Variants in SMAD7 observed in about 807,000 individuals in gnomAD.
The protein encoded by SMAD7 is SMAD family member 7.
A neutral mutation model predicts 38.7 loss-of-function variants in SMAD7; 8 were observed. The ratio of observed to expected loss-of-function variants is 0.21; its 90% CI spans 0.12 to 0.37. The LOEUF (loss-of-function observed/expected upper bound fraction) is 0.37. SMAD7 is among the 10% of genes least tolerant of loss of function. SMAD7 has a pLI of 1.00. For missense variants in SMAD7, 477 were observed against 577.9 expected, an observed-to-expected ratio of 0.83 and a Z score of 1.79; for synonymous variants, 327 against 265.1, an observed-to-expected ratio of 1.23 and a Z score of -2.27.
intron 3 of SMAD7, among the ~76,000 whole-genome samples, chr18:48,930,428 G>C (rs1239833436): frequency 6.6e-6 from 1 of 152,034 alleles, no homozygotes; most frequent in Non-Finnish European, 1.5e-5. Flanking sequence ...GAATGAAAGG[G>C]TCCCCCACCC....
chr18:48,931,393 C>A (rs2069998846), intron 3 of SMAD7, among the ~76,000 whole-genome samples: 1 of 152,202 alleles, frequency 6.6e-6, no homozygotes, highest in South Asian at 2.1e-4. Context: ...AACTAGTCCT[C>A]ATAAGCATAG....
Position 48,921,471 on chromosome 18 carries a change from G to A in SMAD7, c.1182C>T (p.Thr394=), listed in dbSNP as rs141213977. ...AGCCCTTCACAAAGCTGATCTGCAC[G>A]GTAAAGCCCGTCCACGGCTGCTGCA... is the stretch of plus-strand genomic sequence containing the variant. The part of the protein sequence containing the change: ...EFMQQPWTGF[T]VQISFVKGWG... The change falls in exon 4 of 4, where the codon ACC becomes ACT. Residue 394 remains threonine (T), a synonymous_variant. Transcript: ENST00000262158. The surrounding 1 kb of genome is among the most constrained non-coding windows in gnomAD (Gnocchi z 6.4). 112 of 1,614,206 alleles carry A rather than the reference G, an allele frequency of 6.9e-5. No homozygotes were observed. The African/African-American group carries it at 7.1e-4, about 10-fold the overall frequency.
At chr18:48,924,535 T>C (rs1335950169) in intron 3 of SMAD7, among the ~76,000 whole-genome samples, 1 of 152,218 alleles carries the variant, frequency 6.6e-6, no homozygotes, top group Non-Finnish European at 1.5e-5. Context: ...CCGCCAGCAA[T>C]GTGCTGCCAG....
At chr18:48,947,195 A>G (rs2070204549) in intron 2 of SMAD7, among the ~76,000 whole-genome samples, 1 of 152,196 alleles carries the variant, frequency 6.6e-6, no homozygotes, top group Non-Finnish European at 1.5e-5. Flanking sequence ...AAAATATCAC[A>G]TGCTTTGCGG....
intron 2 of SMAD7, among the ~76,000 whole-genome samples, chr18:48,947,234 C>A (rs551170559): frequency 6.6e-6 from 1 of 152,314 alleles, no homozygotes; most frequent in East Asian, 1.9e-4. Context: ...ACCAGGCAAG[C>A]AGGAACGCCT....
At chr18:48,927,237 C>A (rs142928972) in intron 3 of SMAD7, among the ~76,000 whole-genome samples, 155 of 152,318 alleles carry the variant, frequency 1.0e-3, no homozygotes, top group African/African-American at 3.5e-3. Flanking sequence ...CCCATCTCCA[C>A]CACCCCATGC....
chr18:48,942,801 T>C (rs1192862821), intron 2 of SMAD7: 16 of 1,315,296 alleles, frequency 1.2e-5, no homozygotes, highest in Non-Finnish European at 1.5e-5. Flanking sequence ...TCAGGCTCAA[T>C]GAGACTGGCT....
intron 3 of SMAD7, among the ~76,000 whole-genome samples, chr18:48,923,736 C>A (rs1330843213): frequency 6.6e-6 from 1 of 152,152 alleles, no homozygotes; most frequent in African/African-American, 2.4e-5. Context: ...TGGCCGGTCA[C>A]CACCCCCCAT....
intron 1 of SMAD7, 46 bp from the exon 2 acceptor site, chr18:48,948,483 G>A (rs1416103230): frequency 2.2e-6 from 3 of 1,379,798 alleles, no homozygotes; most frequent in Admixed American, 2.0e-5. Context: ...GCCATGAGAA[G>A]AGAGATAGAA....
At chr18:48,942,378 G>A (rs746550784) in intron 3 of SMAD7, 103 bp downstream of exon 3, 6 of 738,042 alleles carry the variant, frequency 8.1e-6, no homozygotes, top group Non-Finnish European at 1.4e-5. Context: ...TGAGAATGAA[G>A]TCCAGACCAG....
At chr18:48,926,967 C>T (rs1000890556) in intron 3 of SMAD7, among the ~76,000 whole-genome samples, 19 of 152,204 alleles carry the variant, frequency 1.2e-4, no homozygotes, top group Non-Finnish European at 2.4e-4. Flanking sequence ...CCTTGCTGGT[C>T]TCTTGTTTTC....
intron 3 of SMAD7, among the ~76,000 whole-genome samples, chr18:48,922,431 A>T (rs756973567): frequency 3.3e-5 from 5 of 151,884 alleles, no homozygotes; most frequent in Admixed American, 6.6e-5. Flanking sequence ...AGGTGTCTAG[A>T]CTCTGGGACC....
Position 48,942,526 on chromosome 18 carries a change from C to T in SMAD7, c.697G>A (p.Ala233Thr), listed in dbSNP as rs141795046. 4.4e-5 allele frequency: 71 copies of T among 1,608,406 alleles called. No individual in the cohort carries two copies. The Admixed American group carries it at 5.5e-4, about 12-fold the overall frequency. ...ADCPDAVPSSAETGGTNYLAP... is the reference protein window; with the variant it reads ...ADCPDAVPSSTETGGTNYLAP... Reference sequence around the variant, plus strand: ...AGATAATTCGTTCCCCCTGTTTCAGCGGAGGAAGGCACAGCATCTGGACAG... The same window carrying T: ...AGATAATTCGTTCCCCCTGTTTCAGTGGAGGAAGGCACAGCATCTGGACAG... Residue 233 changes from alanine to threonine, a missense_variant, in exon 3 of 4, where the codon GCT (alanine) becomes ACT (threonine). Around this residue, in one of 2 missense-constraint regions of SMAD7, gnomAD observed 376 missense variants for 379.4 expected, o/e 0.99. Coordinates refer to ENST00000262158, the MANE Select transcript of SMAD7 (RefSeq NM_005904.4).
intron 3 of SMAD7, chr18:48,933,706 C>G (rs2070029937): frequency 6.6e-6 from 1 of 152,356 alleles, no homozygotes; most frequent in African/African-American, 2.4e-5. Context: ...AGGTCACACT[C>G]AGCCGCCGCG....
chr18:48,925,554 C>T (rs1393148126), intron 3 of SMAD7, among the ~76,000 whole-genome samples: 1 of 152,080 alleles, frequency 6.6e-6, no homozygotes, highest in Non-Finnish European at 1.5e-5. Context: ...CTGGGGAAGA[C>T]CACTTAGCAA....
chr18:48,947,902 C>G (rs749996262), intron 2 of SMAD7, among the ~76,000 whole-genome samples: 91 of 150,760 alleles, frequency 6.0e-4, no homozygotes, highest in Non-Finnish European at 9.5e-4. Flanking sequence ...ACCCCCCCCC[C>G]CCTTTTACTG....
In SMAD7 at chr18:48,950,066, C is replaced by T; in HGVS notation, c.359G>A (p.Gly120Glu). The T allele has an allele frequency of 2.8e-6, 4 of 1,440,504 alleles. No homozygotes were observed. The highest frequency in any genetic ancestry group is 3.6e-6 in the Non-Finnish European group (4 of 1,099,942). The allele number at this position is 1,440,504 out of a possible 1,614,324, so 89.2% of individuals were successfully genotyped here. A position where few individuals can be genotyped will look rare whatever the true frequency, so the allele number is the denominator to read the frequency against. Residue 120 changes from glycine (G) to glutamate (E), a missense_variant, in exon 1 of 4, where the codon GGG (glycine) becomes GAG (glutamate). This residue lies in a region of SMAD7 where 376 missense variants were observed against 379.4 expected (regional missense o/e 0.99). Transcript: ENST00000262158. The stretch of plus-strand genomic sequence containing the variant: ...CAGCAGGAGGCACGCGGTGCGCGTC[C>T]CGCCGCGGGACTCCACGGCCTGGAG... Reference protein sequence around the residue: ...LLLQAVESRGGTRTACLLLPG... With the variant: ...LLLQAVESRGETRTACLLLPG...
intron 3 of SMAD7, among the ~76,000 whole-genome samples, chr18:48,937,585 A>G (rs2070085744): frequency 6.6e-6 from 1 of 152,186 alleles, no homozygotes; most frequent in Admixed American, 6.5e-5. Flanking sequence ...GGGGAAGTGC[A>G]TGACCTGGGG....
chr18:48,939,366 C>T (rs1380465722), intron 3 of SMAD7, among the ~76,000 whole-genome samples: 8 of 151,444 alleles, frequency 5.3e-5, no homozygotes, highest in Non-Finnish European at 1.2e-4. Context: ...CCAGGCCTGT[C>T]GTCTACCCAC....
Sources: gnomAD v4.1 joint callset for allele counts (sites outside exome capture counted in the v4.1 genomes callset) on GRCh38, gnomAD v4.1.1 for gene constraint, gnomAD v4.1.1 regional missense constraint, Gnocchi (gnomAD v3.1) non-coding constraint, MANE v1.5 for transcripts, NCBI Gene and HGNC (gene_info 2026-07-23, HGNC 2026-07-21) for gene names.